Variants in RBFOX1 observed in about 807,000 individuals in gnomAD.
RBFOX1 encodes RNA binding fox-1 homolog 1, also known as RNA binding protein fox-1 homolog 1.
Under a neutral mutation model 57.7 loss-of-function variants are expected in RBFOX1, and 8 were observed. The observed-to-expected ratio is 0.14, with a 90% CI of 0.08 to 0.25. The LOEUF (loss-of-function observed/expected upper bound fraction) is 0.25, where lower values mean the gene tolerates loss of function less well. RBFOX1 is among the 10% of genes least tolerant of loss of function. The pLI is 1.00. For missense variants in RBFOX1, 611 were observed against 548.5 expected, an observed-to-expected ratio of 1.11 and a Z score of -1.14; for synonymous variants, 326 against 222.4, an observed-to-expected ratio of 1.47 and a Z score of -4.15.
At chr16:5,597,858 G>C (rs2047238260) in intron 2 of RBFOX1, among the ~76,000 whole-genome samples, 1 of 152,212 alleles carries the variant, frequency 6.6e-6, no homozygotes. Flanking sequence ...AGTTCAAGCT[G>C]AGGCTCCACT....
At chr16:6,522,276 A>G (rs965602641) in intron 2 of RBFOX1, among the ~76,000 whole-genome samples, 2 of 151,978 alleles carry the variant, frequency 1.3e-5, no homozygotes, top group African/African-American at 4.8e-5. Context: ...ATCATAAAGC[A>G]CAATGTTATT....
chr16:5,758,784 G>C (rs1243628275), intron 3 of RBFOX1, among the ~76,000 whole-genome samples: 1 of 152,132 alleles, frequency 6.6e-6, no homozygotes, highest in Non-Finnish European at 1.5e-5. Context: ...TGGATAGGGT[G>C]GGAGAAAGGT....
chr16:7,601,714 A>T (rs186661743), intron 9 of RBFOX1, among the ~76,000 whole-genome samples: 2 of 152,190 alleles, frequency 1.3e-5, no homozygotes, highest in Non-Finnish European at 2.9e-5. Context: ...GCAGTGGTAA[A>T]TGTGACTAAG....
At chr16:6,638,665 C>A (rs1436908360) in intron 2 of RBFOX1, among the ~76,000 whole-genome samples, 1 of 152,042 alleles carries the variant, frequency 6.6e-6, no homozygotes, top group Non-Finnish European at 1.5e-5. Flanking sequence ...CCCTTTAATG[C>A]CAAATATTAC....
intron 2 of RBFOX1, among the ~76,000 whole-genome samples, chr16:5,489,703 C>T (rs1176178127): frequency 6.6e-6 from 1 of 152,192 alleles, no homozygotes; most frequent in Admixed American, 6.5e-5. Context: ...GACGTGATGA[C>T]CTCTCTCGGC....
intron 4 of RBFOX1, among the ~76,000 whole-genome samples, chr16:5,984,976 A>ATATATATT (rs1359064334): frequency 1.4e-4 from 8 of 55,698 alleles, no homozygotes; most frequent in African/African-American, 7.0e-4. Context: ...ATATATATAT[A>ATATATATT]TTTTTTTTTT....
At chr16:7,227,466 G>A (rs1397845788) in intron 4 of RBFOX1, among the ~76,000 whole-genome samples, 1 of 152,210 alleles carries the variant, frequency 6.6e-6, no homozygotes, top group Middle Eastern at 3.4e-3. Context: ...AAAAGTATGC[G>A]ATTTTATTCA....
intron 2 of RBFOX1, among the ~76,000 whole-genome samples, chr16:6,407,567 G>GTC (rs67151505): frequency 0.019 from 2,706 of 145,052 alleles, 199 homozygotes; most frequent in Non-Finnish European, 0.025. Flanking sequence ...GTGTGTGTGT[G>GTC]ACAGAGAGAG....
chr16:5,725,137 GC>G (rs1413120027), intron 3 of RBFOX1, among the ~76,000 whole-genome samples: 4 of 152,176 alleles, frequency 2.6e-5, no homozygotes, highest in Non-Finnish European at 5.9e-5. Context: ...CCTCCAAGAG[GC>G]CTGATACCTG....
chr16:7,482,210 G>C (rs1184449021), intron 4 of RBFOX1, among the ~76,000 whole-genome samples: 1 of 152,160 alleles, frequency 6.6e-6, no homozygotes, highest in East Asian at 1.9e-4. Context: ...CAGAACGCTG[G>C]GCACAGTGCC....
intron 3 of RBFOX1, among the ~76,000 whole-genome samples, chr16:6,819,497 A>C (rs1267365316): frequency 6.6e-6 from 1 of 152,014 alleles, no homozygotes; most frequent in Non-Finnish European, 1.5e-5. Context: ...TGAGGTCGGG[A>C]GTTTGAGACC....
At chr16:6,514,756 T>A (rs2096337673) in intron 2 of RBFOX1, among the ~76,000 whole-genome samples, 1 of 151,930 alleles carries the variant, frequency 6.6e-6, no homozygotes, top group Non-Finnish European at 1.5e-5. Flanking sequence ...CTTATTGTAA[T>A]AAGGAGGAAG....
chr16:6,309,959 C>T lies in RBFOX1; in HGVS notation c.-126-7036C>T, dbSNP rs539214732. Reference sequence around the variant, plus strand: ...TCGCCCAGGCTGGAGTGCAGTGGCACGATCTCAGCTCACTGCAACCTCTGT... The same window carrying T: ...TCGCCCAGGCTGGAGTGCAGTGGCATGATCTCAGCTCACTGCAACCTCTGT... On this transcript the variant is annotated intron_variant, in intron 1 of 15. Coordinates refer to ENST00000550418, the MANE Select transcript of RBFOX1 (RefSeq NM_018723.4). 1.8e-3 allele frequency among the ~76,000 whole-genome samples: 270 copies of T among 152,266 alleles called. 2 individuals carry two copies. The highest frequency in any genetic ancestry group is 0.01 in the Middle Eastern group (3 of 294).
intron 1 of RBFOX1, among the ~76,000 whole-genome samples, chr16:5,284,701 C>T (rs1452336224): frequency 1.4e-5 from 2 of 144,350 alleles, no homozygotes; most frequent in African/African-American, 2.6e-5. Flanking sequence ...GCCACTGTGC[C>T]AGGCTCCTTC....
chr16:6,920,201 C>T (rs1349558055), intron 3 of RBFOX1, among the ~76,000 whole-genome samples: 3 of 152,028 alleles, frequency 2.0e-5, no homozygotes, highest in African/African-American at 7.3e-5. Context: ...GAGTTTGGTT[C>T]CTTATTTTTG....
chr16:6,388,342 A>T (rs1448964696), intron 2 of RBFOX1, among the ~76,000 whole-genome samples: 1 of 152,114 alleles, frequency 6.6e-6, no homozygotes, highest in East Asian at 1.9e-4. Context: ...TTTTGGCACC[A>T]TGTGGAGCGT....
chr16:7,157,792 T>G (rs1000118270), intron 4 of RBFOX1, among the ~76,000 whole-genome samples: 1 of 152,144 alleles, frequency 6.6e-6, no homozygotes, highest in Non-Finnish European at 1.5e-5. Context: ...GAAATTGGAT[T>G]TACATGTTTT....
intron 4 of RBFOX1, among the ~76,000 whole-genome samples, chr16:7,464,562 T>G (rs78229243): frequency 0.012 from 1,828 of 152,230 alleles, 9 homozygotes; most frequent in Middle Eastern, 0.034. Context: ...AAGCTATTGT[T>G]AAAAATCCCT....
At chr16:6,943,570 C>T (rs8054067) in intron 3 of RBFOX1, among the ~76,000 whole-genome samples, 27,509 of 151,808 alleles carry the variant, frequency 0.18, 3,179 homozygotes, top group African/African-American at 0.33. Flanking sequence ...TAGCCAGGCG[C>T]GGTGGCGGGT....
Sources: allele counts gnomAD v4.1 joint callset (sites outside exome capture counted in the v4.1 genomes callset), GRCh38; gene constraint gnomAD v4.1.1; transcripts MANE v1.5; gene names NCBI Gene and HGNC (gene_info 2026-07-23, HGNC 2026-07-21).